CACNB1: variants seen among roughly 807,000 people sequenced by gnomAD.
The protein encoded by CACNB1 is voltage-dependent L-type calcium channel subunit beta-1.
CACNB1 carries 29 observed loss-of-function variants against 71.6 expected under a neutral mutation model. The ratio of observed to expected loss-of-function variants is 0.40; its 90% CI spans 0.30 to 0.55. The LOEUF is 0.55. CACNB1 is among the 20% of genes least tolerant of loss of function. The pLI is 0.38. For missense variants in CACNB1, 623 were observed against 801.8 expected (o/e 0.78, Z 2.69); for synonymous variants, 300 against 319.6 (o/e 0.94, Z 0.65).
rs747393278 is a variant in CACNB1, at chr17:39,175,434, CAT to C, written c.1554_1555del (p.Val520GlyfsTer5). On this transcript the variant is annotated frameshift_variant, in exon 14 of 14. Transcript: ENST00000394303. LOFTEE classifies it high-confidence loss of function. This position sits in a 1 kb window ranked among gnomAD's most constrained non-coding sequence, Gnocchi z 4.7. ...TGAGGGGTCAGTCTCCATGTCCACA[CAT>C]GAGTCTCCCAGCTCCGTGTAGGCAG... 19 of 1,614,252 alleles carry C rather than the reference CAT, an allele frequency of 1.2e-5. No homozygotes were observed. Among genetic ancestry groups the C allele is most frequent in the South Asian group, 2.2e-5 (2 of 91,090 alleles).
chr17:39,175,711 A>G lies in CACNB1; in HGVS notation c.1333-54T>C. ...TGCAGATCAGGCAGGGGTGAGAAAA[A>G]CACAACAAAGCAAGGCAAGTTAGTG... On this transcript the variant is annotated intron_variant, in intron 13 of 13. Transcript: ENST00000394303. This position sits in a 1 kb window ranked among gnomAD's most constrained non-coding sequence, Gnocchi z 4.7. 7.2e-7 allele frequency: 1 copy of G among 1,381,908 alleles called. No individual in the cohort carries two copies. Among genetic ancestry groups the G allele is most frequent in the Non-Finnish European group, 9.9e-7 (1 of 1,012,756 alleles). 85.6% of individuals were successfully genotyped at this position (1,381,908 alleles called of 1,614,324 possible).
intron 3 of CACNB1, among the ~76,000 whole-genome samples, chr17:39,190,048 G>A (rs957402130): frequency 2.0e-5 from 3 of 152,010 alleles, no homozygotes; most frequent in East Asian, 2.0e-4. Flanking sequence ...CCTGGAAGGC[G>A]GAGGCTGCAG....
intron 11 of CACNB1, among the ~76,000 whole-genome samples, chr17:39,181,130 G>A (rs1225886119): frequency 1.3e-5 from 2 of 152,006 alleles, no homozygotes; most frequent in African/African-American, 2.4e-5. Flanking sequence ...GTCTTGCTCT[G>A]TCACCCAGGC....
Position 39,187,431 on chromosome 17 carries a change from T to C in CACNB1, c.414+48A>G, listed in dbSNP as rs771060196. On this transcript the variant is annotated intron_variant, in intron 4 of 13. Transcript: ENST00000394303. ...GCCTTTTGTCCACTAGCACTCTGGC[T>C]GCCTGTCTCCTGGCACCCACTTCCC... 3.7e-6 allele frequency: 6 copies of C among 1,610,180 alleles called. No individual in the cohort carries two copies. In the South Asian group the frequency reaches 6.6e-5, roughly 18 times the overall value.
intron 3 of CACNB1, among the ~76,000 whole-genome samples, chr17:39,189,785 A>G (rs2046028730): frequency 6.6e-6 from 1 of 150,628 alleles, no homozygotes; most frequent in East Asian, 2.1e-4. Context: ...GGCGTGAGCC[A>G]CCGCACCCAG....
chr17:39,185,027 A>G, intron 7 of CACNB1, 104 bp downstream of exon 7: 1 of 1,132,506 alleles, frequency 8.8e-7, no homozygotes, highest in Non-Finnish European at 1.3e-6. Flanking sequence ...GAGAACCAGG[A>G]AGGGTGGGGG....
In CACNB1 at chr17:39,186,653, CGGA is replaced by C; in HGVS notation, c.552-84_552-82del. The C allele has an allele frequency of 6.6e-7, 1 of 1,510,840 alleles. No homozygotes were observed. Among genetic ancestry groups the C allele is most frequent in the East Asian group, 2.3e-5 (1 of 44,144 alleles). 93.6% of individuals were successfully genotyped at this position (1,510,840 alleles called of 1,614,324 possible). On this transcript the variant is annotated intron_variant, in intron 5 of 13. Transcript: ENST00000394303. This position sits in a 1 kb window ranked among gnomAD's most constrained non-coding sequence, Gnocchi z 4.1. ...CTCATCCTCTCACATGCGGCACCCC[CGGA>C]GGTGCTCCAGCCCCACTGGTGATGC... is the stretch of plus-strand genomic sequence containing the variant.
At chr17:39,178,165 G>T in intron 11 of CACNB1, 86 bp from the exon 12 acceptor site, 2 of 953,808 alleles carry the variant, frequency 2.1e-6, no homozygotes, top group Non-Finnish European at 3.4e-6. Context: ...GGTTGGATCA[G>T]CATGGAGAGC....
Position 39,178,073 on chromosome 17 carries a change from G to C in CACNB1, c.1057C>G (p.Gln353Glu). 1 of 1,613,244 alleles carries C rather than the reference G, an allele frequency of 6.2e-7. No individual in the cohort carries two copies. Among genetic ancestry groups the C allele is most frequent in the Non-Finnish European group, 8.5e-7 (1 of 1,179,190 alleles). ...TTTCCTCGGGACTTGATGAGCCTTT[G>C]AAGTACCTGGTTTGGGGAGAGAGAA... ...YIKITSPKVLQRLIKSRGKSQ... is the reference protein window; with the variant it reads ...YIKITSPKVLERLIKSRGKSQ... The change falls in exon 12 of 14, where the codon CAA becomes GAA. Residue 353 changes from glutamine to glutamate, a missense_variant. By Grantham distance (29) the Gln-to-Glu change is conservative. Transcript: ENST00000394303.
At chr17:39,184,197 C>G in intron 9 of CACNB1, 57 bp from the exon 10 acceptor site, 1 of 1,347,206 alleles carries the variant, frequency 7.4e-7, no homozygotes, top group South Asian at 1.2e-5. Flanking sequence ...ATGCCCTGCC[C>G]ACTCCCCAGT....
At chr17:39,192,176 A>T (rs925084327) in intron 2 of CACNB1, 2 of 156,204 alleles carry the variant, frequency 1.3e-5, no homozygotes, top group African/African-American at 4.8e-5. Context: ...TTCACTACTT[A>T]CAGCCCCAGT....
In CACNB1 at chr17:39,184,389, G is replaced by T; in HGVS notation, c.730-6C>A. 6.6e-7 allele frequency: 1 copy of T among 1,509,498 alleles called. No individual in the cohort carries two copies. Among genetic ancestry groups the T allele is most frequent in the East Asian group, 2.4e-5 (1 of 41,062 alleles). 93.5% of individuals were successfully genotyped at this position (1,509,498 alleles called of 1,614,324 possible). ...TTCTGCATCATGTCTGTAACCTGGG[G>T]GTGGGGGTTTGTGGGGAGGGAGGGA... On this transcript the variant is annotated splice_polypyrimidine_tract_variant and splice_region_variant and intron_variant, in intron 8 of 13. Coordinates refer to ENST00000394303, the MANE Select transcript of CACNB1 (RefSeq NM_000723.5).
intron 11 of CACNB1, among the ~76,000 whole-genome samples, chr17:39,179,912 A>T (rs545675602): frequency 2.0e-5 from 3 of 151,732 alleles, no homozygotes; most frequent in Admixed American, 6.6e-5. Context: ...CTGTCTAAAA[A>T]ACAACAGGCA....
intron 4 of CACNB1, chr17:39,187,213 G>A (rs2045962564): frequency 1.7e-6 from 1 of 600,752 alleles, no homozygotes; most frequent in East Asian, 2.8e-5. Flanking sequence ...GGCCGCTGGA[G>A]TAAATGCGGA....
chr17:39,178,259 T>G (rs1885069794), intron 11 of CACNB1, 180 bp from the exon 12 acceptor site: 3 of 569,508 alleles, frequency 5.3e-6, no homozygotes, highest in Non-Finnish European at 9.5e-6. Flanking sequence ...GTGTCTACCC[T>G]ATGCAAAGCT....
At position 39,175,722 on chromosome 17, in the gene CACNB1, C is replaced by G; in HGVS notation, c.1333-65G>C. The stretch of plus-strand genomic sequence containing the variant: ...CAGGGGTGAGAAAAACACAACAAAG[C>G]AAGGCAAGTTAGTGACAGCATTAAG... On this transcript the variant is annotated intron_variant, in intron 13 of 13. Coordinates refer to ENST00000394303, the MANE Select transcript of CACNB1 (RefSeq NM_000723.5). This position sits in a 1 kb window ranked among gnomAD's most constrained non-coding sequence, Gnocchi z 4.7. 1.5e-6 allele frequency: 2 copies of G among 1,293,078 alleles called. No homozygotes were observed. Among genetic ancestry groups the G allele is most frequent in the Non-Finnish European group, 2.1e-6 (2 of 935,294 alleles). The allele number at this position is 1,293,078 out of a possible 1,614,324, so 80.1% of individuals were successfully genotyped here.
chr17:39,187,652 T>G, intron 3 of CACNB1, 51 bp from the exon 4 acceptor site: 1 of 1,601,612 alleles, frequency 6.2e-7, no homozygotes. Flanking sequence ...AACCACAATG[T>G]AATGTACAAC....
Position 39,187,459 on chromosome 17 carries a change from C to G in CACNB1, c.414+20G>C. On this transcript the variant is annotated intron_variant, in intron 4 of 13. Transcript: ENST00000394303. ...CTGTCTCCTGGCACCCACTTCCCTG[C>G]CCTCCCTCCAGATACCCACCTCCTT... 1 of 1,613,310 alleles carries G rather than the reference C, an allele frequency of 6.2e-7. No individual in the cohort carries two copies. Among genetic ancestry groups the G allele is most frequent in the Non-Finnish European group, 8.5e-7 (1 of 1,179,498 alleles).
chr17:39,178,054 C>T lies in CACNB1; in HGVS notation c.1076G>A (p.Arg359Gln). Residue 359 changes from arginine to glutamine, a missense_variant, in exon 12 of 14, where the codon CGA becomes CAA. Arg to Gln is a conservative substitution (Grantham distance 43). Coordinates refer to ENST00000394303, the MANE Select transcript of CACNB1 (RefSeq NM_000723.5). ...PKVLQRLIKS[R>Q]GKSQSKHLNV... is the part of the protein sequence containing the mutation. ...GAGGTGTTTGGACTGAGACTTTCCT[C>T]GGGACTTGATGAGCCTTTGAAGTAC... The T allele has an allele frequency of 1.9e-6, 3 of 1,614,028 alleles. No homozygotes were observed. Among genetic ancestry groups the T allele is most frequent in the Non-Finnish European group, 2.5e-6 (3 of 1,179,962 alleles).
Sources: allele counts gnomAD v4.1 joint callset (sites outside exome capture counted in the v4.1 genomes callset), GRCh38; gene constraint gnomAD v4.1.1; non-coding constraint Gnocchi (gnomAD v3.1); transcripts MANE v1.5; gene names NCBI Gene and HGNC (gene_info 2026-07-23, HGNC 2026-07-21).